OXR1: variants seen among roughly 807,000 people sequenced by gnomAD.
OXR1 encodes oxidation resistance 1.
OXR1 carries 41 observed loss-of-function variants against 104.6 expected under a neutral mutation model. The ratio of observed to expected loss-of-function variants is 0.39; its 90% confidence interval spans 0.31 to 0.51. The LOEUF is 0.51. OXR1 is among the 20% of genes least tolerant of loss of function. The pLI is 0.77. For synonymous variants in OXR1, 348 were observed against 348.4 expected (o/e 1.00, Z 0.01); for missense variants, 955 against 1,031.9 (o/e 0.93, Z 1.02).
At chr8:106,291,819 G>A (rs1812767788) in intron 1 of OXR1, among the ~76,000 whole-genome samples, 1 of 152,172 alleles carries the variant, frequency 6.6e-6, no homozygotes, top group African/African-American at 2.4e-5. Flanking sequence ...TTACTAGGTG[G>A]CAGGCAAGAG....
chr8:106,733,847 GAA>G (rs1292872688), intron 11 of OXR1, among the ~76,000 whole-genome samples: 1 of 139,886 alleles, frequency 7.1e-6, no homozygotes, highest in Non-Finnish European at 1.6e-5. Context: ...AAAAAGAAAA[GAA>G]AAAAAAAAGG....
rs192600421 is a variant in OXR1, at chr8:106,373,647, T to C, written c.23+14011T>C. Among the ~76,000 whole-genome samples, 838 of 152,288 alleles carry C rather than the reference T, an allele frequency of 5.5e-3. 8 individuals are homozygous for C. The highest frequency in any genetic ancestry group is 0.019 in the African/African-American group (783 of 41,582). On this transcript the variant is annotated intron_variant, in intron 2 of 16. Coordinates refer to ENST00000517566, the MANE Select transcript of OXR1 (RefSeq NM_001198533.2). ...CTCTGTCACCCAGGCTGGAGTGCAA[T>C]GGCATGATCTTAGCTCACTGCAACC...
chr8:106,306,964 G>T (rs116541463), intron 1 of OXR1, among the ~76,000 whole-genome samples: 1,856 of 152,232 alleles, frequency 0.012, 39 homozygotes, highest in African/African-American at 0.041. Context: ...GAAATAAAAA[G>T]GATTGCCAAG....
intron 3 of OXR1, among the ~76,000 whole-genome samples, chr8:106,551,777 G>C (rs1815823600): frequency 1.5e-5 from 2 of 135,926 alleles, no homozygotes; most frequent in African/African-American, 5.5e-5. Flanking sequence ...GTGAGACCCT[G>C]TCTCCACTAT....
intron 15 of OXR1, among the ~76,000 whole-genome samples, chr8:106,744,173 C>T (rs1347944633): frequency 6.6e-6 from 1 of 152,162 alleles, no homozygotes; most frequent in Admixed American, 6.5e-5. Context: ...TGTAACAAAC[C>T]TGTGCATCCT....
chr8:106,658,036 G>A (rs1341679289), intron 3 of OXR1: 2 of 1,248,496 alleles, frequency 1.6e-6, no homozygotes, highest in East Asian at 6.3e-5. Flanking sequence ...CTTCTGCGGG[G>A]CACGGCCAAC....
intron 3 of OXR1, chr8:106,581,181 G>C (rs1818194348): frequency 7.8e-7 from 1 of 1,280,770 alleles, no homozygotes; most frequent in Non-Finnish European, 1.0e-6. Context: ...ATTTGAAAGA[G>C]AACTTGACAA....
intron 3 of OXR1, among the ~76,000 whole-genome samples, chr8:106,663,598 A>G (rs1825976912): frequency 6.6e-6 from 1 of 152,216 alleles, no homozygotes; most frequent in Non-Finnish European, 1.5e-5. Context: ...AGGGGTCCCC[A>G]GCCCTGGTCC....
Position 106,465,798 on chromosome 8 carries a change from G to T in OXR1, c.24-53145G>T, listed in dbSNP as rs1821143750. On this transcript the variant is annotated intron_variant, in intron 2 of 16. Transcript: ENST00000517566. ...CTCTTATATCACTAGATTTAGAGTG[G>T]ATAACTTCACCAATTTGAACATAAT... Among the ~76,000 whole-genome samples, 3 of 151,964 alleles carry T rather than the reference G, an allele frequency of 2.0e-5. No individual in the cohort carries two copies. The South Asian group carries it at 6.2e-4, about 32-fold the overall frequency.
At chr8:106,700,416 C>T (rs923009652) in intron 7 of OXR1, among the ~76,000 whole-genome samples, 2 of 152,118 alleles carry the variant, frequency 1.3e-5, no homozygotes, top group Non-Finnish European at 2.9e-5. Flanking sequence ...TGATGTCTAA[C>T]AGATTACCGC....
At chr8:106,480,569 C>T (rs1429758714) in intron 2 of OXR1, among the ~76,000 whole-genome samples, 1 of 151,748 alleles carries the variant, frequency 6.6e-6, no homozygotes, top group African/African-American at 2.4e-5. Context: ...TTCATTCTTT[C>T]GTGTGTTTCT....
intron 3 of OXR1, among the ~76,000 whole-genome samples, chr8:106,558,177 T>C (rs1319624959): frequency 1.3e-5 from 2 of 152,230 alleles, no homozygotes; most frequent in Non-Finnish European, 2.9e-5. Flanking sequence ...GAACTCCTAA[T>C]TCTAGGACAT....
chr8:106,709,962 A>G (rs1020484972), intron 9 of OXR1, among the ~76,000 whole-genome samples: 5 of 152,114 alleles, frequency 3.3e-5, no homozygotes, highest in Admixed American at 6.6e-5. Flanking sequence ...TCTCCTGACT[A>G]TAAGTGCTAT....
chr8:106,439,763 A>C (rs1819712375), intron 2 of OXR1, among the ~76,000 whole-genome samples: 1 of 152,128 alleles, frequency 6.6e-6, no homozygotes, highest in Admixed American at 6.6e-5. Context: ...AATACTTAGC[A>C]ACATGCCACC....
intron 3 of OXR1, among the ~76,000 whole-genome samples, chr8:106,620,232 A>G (rs966032267): frequency 2.6e-5 from 4 of 152,172 alleles, no homozygotes; most frequent in Middle Eastern, 3.2e-3. Context: ...CTTTGATTCT[A>G]AGATGTACAT....
At chr8:106,622,065 T>C (rs545451636) in intron 3 of OXR1, among the ~76,000 whole-genome samples, 1 of 152,338 alleles carries the variant, frequency 6.6e-6, no homozygotes, top group African/African-American at 2.4e-5. Flanking sequence ...TATATTCTTA[T>C]TTCCATTAAT....
chr8:106,327,600 G>A (rs1814524635), intron 1 of OXR1, among the ~76,000 whole-genome samples: 1 of 152,072 alleles, frequency 6.6e-6, no homozygotes, highest in African/African-American at 2.4e-5. Context: ...TCACCACATT[G>A]TTTTAAATGT....
chr8:106,694,695 G>T (rs58196967), intron 7 of OXR1, among the ~76,000 whole-genome samples: 59,829 of 100,484 alleles, frequency 0.6, 18,835 homozygotes, highest in African/African-American at 0.75. Context: ...ATAAATATAT[G>T]TTTATATATT....
At chr8:106,311,940 C>T (rs1449829772) in intron 1 of OXR1, among the ~76,000 whole-genome samples, 1 of 151,948 alleles carries the variant, frequency 6.6e-6, no homozygotes, top group East Asian at 1.9e-4. Flanking sequence ...TTATTGTTTC[C>T]CTTCTTATTC....
Sources: gnomAD v4.1 joint callset for allele counts (sites outside exome capture counted in the v4.1 genomes callset) on GRCh38, gnomAD v4.1.1 for gene constraint, MANE v1.5 for transcripts, NCBI Gene and HGNC (gene_info 2026-07-23, HGNC 2026-07-21) for gene names.